NAA15: variants seen among roughly 807,000 people sequenced by gnomAD.
NAA15 encodes N-alpha-acetyltransferase 15, NatA auxiliary subunit.
Under a neutral mutation model 114.0 loss-of-function variants are expected in NAA15, and 34 were observed. That is an observed-to-expected ratio of 0.30 (90% CI 0.23 to 0.40). NAA15 has a LOEUF of 0.40. NAA15 is among the 10% of genes least tolerant of loss of function. The pLI is 1.00. For synonymous variants in NAA15, 340 were observed against 338.0 expected (o/e 1.01, Z -0.06); for missense variants, 658 against 1,004.5 (o/e 0.66, Z 4.66).
At chr4:139,305,275 G>C (rs1300700158) in intron 1 of NAA15, among the ~76,000 whole-genome samples, 1 of 152,176 alleles carries the variant, frequency 6.6e-6, no homozygotes, top group African/African-American at 2.4e-5. Flanking sequence ...TTATATGTGA[G>C]AGAAATGTGG....
At chr4:139,321,477 T>TG (rs1458923497) in intron 1 of NAA15, among the ~76,000 whole-genome samples, 1 of 148,408 alleles carries the variant, frequency 6.7e-6, no homozygotes, top group South Asian at 2.1e-4. Context: ...ATTTGTTTTT[T>TG]TTTTTTTTTT....
At chr4:139,322,380 G>GT (rs1746648445) in intron 1 of NAA15, among the ~76,000 whole-genome samples, 1 of 152,222 alleles carries the variant, frequency 6.6e-6, no homozygotes, top group South Asian at 2.1e-4. Flanking sequence ...TCATGGAACT[G>GT]TAAGTCCAAT....
intron 1 of NAA15, among the ~76,000 whole-genome samples, chr4:139,316,151 C>A (rs1444262354): frequency 6.6e-6 from 1 of 151,792 alleles, no homozygotes; most frequent in Non-Finnish European, 1.5e-5. Context: ...TTGGATAAAG[C>A]TCATCATCTA....
intron 19 of NAA15, chr4:139,386,447 A>G (rs1405260361): frequency 5.5e-6 from 2 of 363,718 alleles, no homozygotes; most frequent in African/African-American, 2.1e-5. Flanking sequence ...TAATAAAATC[A>G]TATACATTCC....
chr4:139,359,918 AT>A (rs1408622886), intron 12 of NAA15, 23 bp downstream of exon 12: 1 of 1,546,086 alleles, frequency 6.5e-7, no homozygotes, highest in African/African-American at 1.4e-5. Flanking sequence ...AGTGTTCTTA[AT>A]TATGAATAAA....
At chr4:139,313,244 T>C (rs1746277794) in intron 1 of NAA15, among the ~76,000 whole-genome samples, 2 of 151,910 alleles carry the variant, frequency 1.3e-5, no homozygotes, top group African/African-American at 2.4e-5. Flanking sequence ...TTCAAAAACT[T>C]TTTTTTCCTC....
chr4:139,384,905 A>G lies in NAA15; in HGVS notation c.2229A>G (p.Gly743=), dbSNP rs1437319100. Residue 743 remains glycine, a synonymous_variant, in exon 18 of 20, where the codon GGA becomes GGG. Transcript: ENST00000296543. ...VLKQEMNRLF[G]ATNPKNFNET... is the part of the protein sequence containing the mutation. ...AACAAGAAATGAATCGTCTTTTTGG[A>G]GCAACGAATCCAAAGAATTTTAATG... is the stretch of plus-strand genomic sequence containing the variant. 1 of 1,562,250 alleles carries G rather than the reference A, an allele frequency of 6.4e-7. No homozygotes were observed. The highest frequency in any genetic ancestry group is 1.9e-5 in the Admixed American group (1 of 54,000).
intron 1 of NAA15, among the ~76,000 whole-genome samples, chr4:139,304,751 A>G (rs967932091): frequency 6.6e-6 from 1 of 152,180 alleles, no homozygotes; most frequent in Non-Finnish European, 1.5e-5. Flanking sequence ...TATAGATTGC[A>G]CCACTACAAT....
At chr4:139,352,023 G>T (rs956861905) in intron 9 of NAA15, among the ~76,000 whole-genome samples, 4 of 151,906 alleles carry the variant, frequency 2.6e-5, no homozygotes, top group African/African-American at 9.7e-5. Context: ...TCTGTCAGAA[G>T]AGTTTTTTTG....
intron 1 of NAA15, among the ~76,000 whole-genome samples, chr4:139,321,477 T>G (rs968736506): frequency 2.0e-4 from 30 of 148,526 alleles, no homozygotes; most frequent in African/African-American, 6.7e-4. Context: ...ATTTGTTTTT[T>G]TTTTTTTTTT....
chr4:139,388,093 A>G lies in NAA15; in HGVS notation c.*9A>G. The stretch of plus-strand genomic sequence containing the variant: ...TGGCCAATGAAATTTGAACATCACT[A>G]AACAAGCAAATGGAATGACTTTGGA... On this transcript the variant is annotated 3_prime_UTR_variant, in exon 20 of 20. Coordinates refer to ENST00000296543, the MANE Select transcript of NAA15 (RefSeq NM_057175.5). 2 of 1,611,974 alleles carry G rather than the reference A, an allele frequency of 1.2e-6. No homozygotes were observed. Among genetic ancestry groups the G allele is most frequent in the Non-Finnish European group, 8.5e-7 (1 of 1,178,488 alleles).
chr4:139,351,946 G>GT (rs547945025), intron 9 of NAA15, among the ~76,000 whole-genome samples: 95 of 142,680 alleles, frequency 6.7e-4, no homozygotes, highest in South Asian at 1.8e-3. Context: ...CTTGTTTTTT[G>GT]TTTTTTTTTT....
At chr4:139,385,657 G>A (rs1748891975) in intron 18 of NAA15, among the ~76,000 whole-genome samples, 1 of 152,214 alleles carries the variant, frequency 6.6e-6, no homozygotes, top group East Asian at 1.9e-4. Context: ...GGGACCATGT[G>A]GGTAGTACTT....
chr4:139,387,397 G>A (rs572434618), intron 19 of NAA15, among the ~76,000 whole-genome samples: 5 of 152,318 alleles, frequency 3.3e-5, no homozygotes, highest in African/African-American at 1.2e-4. Context: ...TATTGGATGT[G>A]CCTTAAGTTG....
intron 1 of NAA15, among the ~76,000 whole-genome samples, chr4:139,306,496 A>G (rs1333271967): frequency 1.3e-5 from 2 of 151,624 alleles, no homozygotes; most frequent in Non-Finnish European, 2.9e-5. Flanking sequence ...CGGCCTCCCA[A>G]AGTGCTGGGA....
At chr4:139,358,722 G>A (rs1057259849) in intron 11 of NAA15, among the ~76,000 whole-genome samples, 14 of 152,064 alleles carry the variant, frequency 9.2e-5, no homozygotes, top group Non-Finnish European at 1.5e-5. Flanking sequence ...GGAACATTGG[G>A]GAATGTCTAC....
At chr4:139,326,534 T>C (rs918288071) in intron 1 of NAA15, among the ~76,000 whole-genome samples, 1 of 152,222 alleles carries the variant, frequency 6.6e-6, no homozygotes, top group African/African-American at 2.4e-5. Flanking sequence ...AATTAAAGTA[T>C]AGAGTCACTG....
At chr4:139,362,231 G>C (rs1159974072) in intron 14 of NAA15, among the ~76,000 whole-genome samples, 2 of 152,170 alleles carry the variant, frequency 1.3e-5, no homozygotes, top group Non-Finnish European at 2.9e-5. Context: ...GTACTAGATT[G>C]CTAATTGTAT....
intron 1 of NAA15, among the ~76,000 whole-genome samples, chr4:139,315,006 T>TTTAGTTTAGG (rs773285130): frequency 0.056 from 5,712 of 101,240 alleles, 387 homozygotes; most frequent in Non-Finnish European, 0.08. Context: ...TTCAGTTTAG[T>TTTAGTTTAGG]TTAGGTTAGG....
Sources: allele counts gnomAD v4.1 joint callset (sites outside exome capture counted in the v4.1 genomes callset), GRCh38; gene constraint gnomAD v4.1.1; transcripts MANE v1.5; gene names NCBI Gene and HGNC (gene_info 2026-07-23, HGNC 2026-07-21).